Variants in B4GALT5 observed in about 807,000 individuals in gnomAD.
B4GALT5 encodes the protein beta-1,4-galactosyltransferase 5.
Under a neutral mutation model 45.0 loss-of-function variants are expected in B4GALT5, and 11 were observed. That is an observed-to-expected ratio of 0.24 (90% CI 0.15 to 0.40). The LOEUF (loss-of-function observed/expected upper bound fraction) is 0.40, where lower values mean the gene tolerates loss of function less well. Ranked by LOEUF, B4GALT5 falls within the 10% of genes least tolerant of loss-of-function variation. B4GALT5 has a pLI of 1.00. For synonymous variants in B4GALT5, 185 were observed against 182.9 expected (o/e 1.01, Z -0.09); for missense variants, 337 against 500.2 (o/e 0.67, Z 3.11).
At chr20:49,711,885 C>T (rs1012183819) in intron 1 of B4GALT5, among the ~76,000 whole-genome samples, 3 of 152,196 alleles carry the variant, frequency 2.0e-5, no homozygotes, top group East Asian at 1.9e-4. Flanking sequence ...TTTCTCTATT[C>T]AGCTAGTTCT....
At chr20:49,698,724 T>C (rs1791748887) in intron 1 of B4GALT5, among the ~76,000 whole-genome samples, 1 of 152,170 alleles carries the variant, frequency 6.6e-6, no homozygotes, top group South Asian at 2.1e-4. Context: ...TGGCAGCCTG[T>C]TTCTCATCAC....
chr20:49,634,192 C>CACAA lies in B4GALT5; in HGVS notation c.*2116_*2119dup, dbSNP rs534179666. 5.2e-3 allele frequency: 791 copies of CACAA among 152,444 alleles called. No homozygotes were observed. The highest frequency in any genetic ancestry group is 9.1e-3 in the Non-Finnish European group (619 of 67,966). 9.4% of individuals were successfully genotyped at this position (152,444 alleles called of 1,614,324 possible). On this transcript the variant is annotated 3_prime_UTR_variant, in exon 9 of 9. Coordinates refer to ENST00000371711, the MANE Select transcript of B4GALT5 (RefSeq NM_004776.4). The stretch of plus-strand genomic sequence containing the variant: ...ACTCTATTCTTCAAAAGAACAAAAA[C>CACAA]ACAAACAAACAAACAAACAAAACAA...
chr20:49,647,299 T>C (rs1285447744), intron 2 of B4GALT5, among the ~76,000 whole-genome samples: 2 of 152,246 alleles, frequency 1.3e-5, no homozygotes, highest in Non-Finnish European at 2.9e-5. Context: ...ATTGATTTTA[T>C]AGGTTTATAT....
intron 2 of B4GALT5, among the ~76,000 whole-genome samples, chr20:49,654,613 G>A (rs2085634600): frequency 6.6e-6 from 1 of 152,168 alleles, no homozygotes; most frequent in South Asian, 2.1e-4. Context: ...ATTCTTTTAA[G>A]AGAGGCAATG....
rs2122985219 is a variant in B4GALT5, at chr20:49,634,331, C to G, written c.*1981G>C. 1 of 152,376 alleles carries G rather than the reference C, an allele frequency of 6.6e-6. No individual in the cohort carries two copies. The highest frequency in any genetic ancestry group is 1.9e-4 in the East Asian group (1 of 5,188). 9.4% of individuals were successfully genotyped at this position (152,376 alleles called of 1,614,324 possible). ...ACACACACACACCCCTACACACACC[C>G]ATGTAAACTATGAAAATCAAGGAAG... is the stretch of plus-strand genomic sequence containing the variant. On this transcript the variant is annotated 3_prime_UTR_variant, in exon 9 of 9. Coordinates refer to ENST00000371711, the MANE Select transcript of B4GALT5 (RefSeq NM_004776.4).
intron 1 of B4GALT5, 47 bp from the exon 2 acceptor site, chr20:49,656,749 A>G: frequency 6.2e-7 from 1 of 1,612,382 alleles, no homozygotes; most frequent in Non-Finnish European, 8.5e-7. Flanking sequence ...AGAAGCAATC[A>G]TTTAAAAAAA....
chr20:49,703,001 G>A (rs1221366596), intron 1 of B4GALT5, among the ~76,000 whole-genome samples: 5 of 151,616 alleles, frequency 3.3e-5, no homozygotes, highest in Admixed American at 1.3e-4. Flanking sequence ...ATGAAACCCC[G>A]TCTCTACTAA....
At position 49,636,359 on chromosome 20, in the gene B4GALT5, T is replaced by C. The variant is rs780917313; in HGVS notation, c.1120A>G (p.Ile374Val). Reference sequence around the variant, plus strand: ...AGCTCGGGTGTCAGGTTGACAGTTATGTTTTTATACAAGGCGTCGTATGTG... The same window carrying C: ...AGCTCGGGTGTCAGGTTGACAGTTACGTTTTTATACAAGGCGTCGTATGTG... ...NITYDALYKN[I>V]TVNLTPELAQ... Residue 374 changes from isoleucine (I) to valine (V), a missense_variant, in exon 9 of 9, where the codon ATA becomes GTA. Ile to Val is a conservative substitution (Grantham distance 29, BLOSUM62 3). Transcript: ENST00000371711. 1.9e-6 allele frequency: 3 copies of C among 1,614,116 alleles called. No homozygotes were observed. Among genetic ancestry groups the C allele is most frequent in the Admixed American group, 1.7e-5 (1 of 60,010 alleles).
At chr20:49,690,368 A>G (rs118108429) in intron 1 of B4GALT5, among the ~76,000 whole-genome samples, 111 of 152,066 alleles carry the variant, frequency 7.3e-4, no homozygotes, top group Non-Finnish European at 1.2e-3. Flanking sequence ...GTGAAGAGAC[A>G]GTCTTAGAAA....
chr20:49,651,597 A>AG (rs1357603184), intron 2 of B4GALT5, among the ~76,000 whole-genome samples: 1 of 152,054 alleles, frequency 6.6e-6, no homozygotes, highest in African/African-American at 2.4e-5. Context: ...TCAAAAAAAA[A>AG]AAAGAAGATA....
intron 5 of B4GALT5, among the ~76,000 whole-genome samples, chr20:49,641,511 C>T (rs2085576865): frequency 1.3e-5 from 2 of 152,236 alleles, no homozygotes; most frequent in Non-Finnish European, 1.5e-5. Flanking sequence ...ATTAGTGTTA[C>T]AGCTACATTG....
At chr20:49,657,321 G>A (rs976988698) in intron 1 of B4GALT5, among the ~76,000 whole-genome samples, 1 of 152,198 alleles carries the variant, frequency 6.6e-6, no homozygotes, top group Non-Finnish European at 1.5e-5. Context: ...AATAGGGAAA[G>A]AGCACAGTCC....
At chr20:49,640,323 T>G (rs2085571369) in intron 6 of B4GALT5, among the ~76,000 whole-genome samples, 155 bp downstream of exon 6, 1 of 152,266 alleles carries the variant, frequency 6.6e-6, no homozygotes, top group Admixed American at 6.5e-5. Flanking sequence ...TGCTTTCTCC[T>G]GCCAAACAGT....
intron 1 of B4GALT5, among the ~76,000 whole-genome samples, chr20:49,692,285 G>A (rs2085816730): frequency 6.8e-6 from 1 of 147,690 alleles, no homozygotes; most frequent in Admixed American, 6.8e-5. Context: ...GCAACAAAGT[G>A]AGAGCCTGTC....
intron 6 of B4GALT5, 22 bp from the exon 7 acceptor site, chr20:49,639,822 C>T: frequency 6.2e-7 from 1 of 1,610,866 alleles, no homozygotes; most frequent in Non-Finnish European, 8.5e-7. Context: ...TGTGGGACAT[C>T]AATCATCTGT....
intron 1 of B4GALT5, among the ~76,000 whole-genome samples, chr20:49,707,906 GC>G (rs1156716720): frequency 6.7e-6 from 1 of 148,482 alleles, no homozygotes; most frequent in Non-Finnish European, 1.5e-5. Flanking sequence ...GAGCCACCTT[GC>G]CCAGCCTTTT....
intron 2 of B4GALT5, among the ~76,000 whole-genome samples, chr20:49,651,444 C>A (rs1212862913): frequency 1.3e-5 from 2 of 151,942 alleles, no homozygotes; most frequent in Non-Finnish European, 2.9e-5. Flanking sequence ...CAAAAATTAG[C>A]CAGGCATGGT....
intron 2 of B4GALT5, among the ~76,000 whole-genome samples, chr20:49,649,120 C>T (rs1296672101): frequency 6.6e-6 from 1 of 152,172 alleles, no homozygotes; most frequent in African/African-American, 2.4e-5. Flanking sequence ...GCGCTGCCTA[C>T]TCTGCAAGTA....
chr20:49,653,135 T>C (rs1420331856), intron 2 of B4GALT5, among the ~76,000 whole-genome samples: 1 of 152,240 alleles, frequency 6.6e-6, no homozygotes, highest in Non-Finnish European at 1.5e-5. Flanking sequence ...TCTGATTTTT[T>C]AGGATTTTGG....
Sources: allele counts gnomAD v4.1 joint callset (sites outside exome capture counted in the v4.1 genomes callset), GRCh38; gene constraint gnomAD v4.1.1; transcripts MANE v1.5; gene names NCBI Gene and HGNC (gene_info 2026-07-23, HGNC 2026-07-21).